GABRA1: variants seen among roughly 807,000 people sequenced by gnomAD.
GABRA1 encodes gamma-aminobutyric acid receptor subunit alpha-1.
A neutral mutation model predicts 48.9 loss-of-function variants in GABRA1; 9 were observed. The ratio of observed to expected loss-of-function variants is 0.18; its 90% CI spans 0.11 to 0.32. The LOEUF is 0.32. GABRA1 is among the 10% of genes least tolerant of loss of function. The pLI, the probability that GABRA1 is intolerant of heterozygous loss-of-function variation, is 1.00. For synonymous variants in GABRA1, 210 were observed against 198.7 expected, an observed-to-expected ratio of 1.06 and a Z score of -0.48; for missense variants, 285 against 553.8, an observed-to-expected ratio of 0.51 and a Z score of 4.87.
chr5:161,897,239 A>G lies in GABRA1; in HGVS notation c.1188A>G (p.Glu396=). 6.2e-7 allele frequency: 1 copy of G among 1,614,160 alleles called. No homozygotes were observed. The highest frequency in any genetic ancestry group is 1.1e-5 in the South Asian group (1 of 91,084). ...LATIAKSATI[E]PKEVKPETKP... is the part of the protein sequence containing the mutation. Reference sequence around the variant, plus strand: ...CCATTGCTAAAAGTGCAACCATAGAACCTAAAGAGGTCAAGCCCGAAACAA... The same window carrying G: ...CCATTGCTAAAAGTGCAACCATAGAGCCTAAAGAGGTCAAGCCCGAAACAA... Residue 396 remains glutamate (E), a synonymous_variant, in exon 10 of 10, where the codon GAA becomes GAG. Coordinates refer to ENST00000393943, the MANE Select transcript of GABRA1 (RefSeq NM_001127644.2).
chr5:161,895,015 AT>A (rs1755295782), intron 8 of GABRA1, among the ~76,000 whole-genome samples: 1 of 150,776 alleles, frequency 6.6e-6, no homozygotes, highest in African/African-American at 2.4e-5. Context: ...AAAATGTATT[AT>A]TATATATATG....
Position 161,897,567 on chromosome 5 carries a change from G to C in GABRA1, c.*145G>C. The stretch of plus-strand genomic sequence containing the variant: ...TTTCATAATTCATTTAAGAACAAGA[G>C]ACCCCTGTCTGGCAGTCTGGAGCAA... On this transcript the variant is annotated 3_prime_UTR_variant, in exon 10 of 10. Coordinates refer to ENST00000393943, the MANE Select transcript of GABRA1 (RefSeq NM_001127644.2). The C allele has an allele frequency of 1.2e-6, 1 of 824,316 alleles. No homozygotes were observed. Among genetic ancestry groups the C allele is most frequent in the Non-Finnish European group, 1.9e-6 (1 of 522,380 alleles). The allele number at this position is 824,316 out of a possible 1,614,324, so 51.1% of individuals were successfully genotyped here.
intron 3 of GABRA1, among the ~76,000 whole-genome samples, chr5:161,864,071 G>A (rs955966953): frequency 6.6e-6 from 1 of 151,964 alleles, no homozygotes; most frequent in Non-Finnish European, 1.5e-5. Context: ...ATATATTAGA[G>A]AGGAAAGTAT....
rs1484870497 is a variant in GABRA1 at position 161,850,829 on chromosome 5, C to G, written c.19C>G (p.Leu7Val). Residue 7 changes from leucine to valine, a missense_variant, in exon 2 of 10, where the codon CTG becomes GTG. Leu to Val is a conservative substitution (Grantham distance 32). This residue lies in a region of GABRA1 where 45 missense variants were observed against 39.9 expected (regional missense o/e 1.13). Transcript: ENST00000393943. ...GCCCGCGATGAGGAAAAGTCCAGGT[C>G]TGTCTGACTGTCTTTGGGCCTGGAT... The part of the protein sequence containing the change: MRKSPG[L>V]SDCLWAWILL... 6.2e-7 allele frequency: 1 copy of G among 1,614,106 alleles called. No homozygotes were observed. The highest frequency in any genetic ancestry group is 2.2e-5 in the East Asian group (1 of 44,880).
chr5:161,875,771 T>C, intron 6 of GABRA1, 129 bp downstream of exon 6: 1 of 738,984 alleles, frequency 1.4e-6, no homozygotes, highest in South Asian at 1.5e-5. Context: ...CACATGGACT[T>C]TCCATAAGTA....
chr5:161,858,071 CA>C (rs911705280), intron 3 of GABRA1, among the ~76,000 whole-genome samples: 3 of 150,956 alleles, frequency 2.0e-5, no homozygotes, highest in Middle Eastern at 3.4e-3. Flanking sequence ...TGAAGAAGAG[CA>C]AAACAGAGGA....
At chr5:161,878,256 G>A (rs1366366166) in intron 6 of GABRA1, among the ~76,000 whole-genome samples, 1 of 152,154 alleles carries the variant, frequency 6.6e-6, no homozygotes, top group African/African-American at 2.4e-5. Flanking sequence ...ACATTGAAGT[G>A]CAGGCTTTGA....
chr5:161,891,250 G>A (rs1755075622), intron 8 of GABRA1, among the ~76,000 whole-genome samples, 200 bp downstream of exon 8: 1 of 152,130 alleles, frequency 6.6e-6, no homozygotes, highest in Non-Finnish European at 1.5e-5. Context: ...TTTAGTATTT[G>A]TGAATAGATG....
Position 161,899,485 on chromosome 5 carries a change from C to T in GABRA1, c.*2063C>T, listed in dbSNP as rs1755520761. On this transcript the variant is annotated 3_prime_UTR_variant, in exon 10 of 10. Coordinates refer to ENST00000393943, the MANE Select transcript of GABRA1 (RefSeq NM_001127644.2). Reference sequence around the variant, plus strand: ...TATTGAGAGCATTTTACCTTCCAGACTTCTCATGGCTAACTTTTGGTCTGT... The same window carrying T: ...TATTGAGAGCATTTTACCTTCCAGATTTCTCATGGCTAACTTTTGGTCTGT... 6.6e-6 allele frequency: 1 copy of T among 152,084 alleles called. No individual in the cohort carries two copies. Among genetic ancestry groups the T allele is most frequent in the African/African-American group, 2.4e-5 (1 of 41,436 alleles). 9.4% of individuals were successfully genotyped at this position (152,084 alleles called of 1,614,324 possible). A position where few individuals can be genotyped will look rare whatever the true frequency, so the allele number is the denominator to read the frequency against.
chr5:161,852,931 C>T (rs10476365), intron 2 of GABRA1, among the ~76,000 whole-genome samples: 150,695 of 152,008 alleles, frequency 0.99, 74,716 homozygotes, highest in East Asian at 1. Context: ...TGAATTCTGG[C>T]TTCAAATGTT....
chr5:161,895,787 A>C lies in GABRA1; in HGVS notation c.978A>C (p.Ser326=). The C allele has an allele frequency of 1.9e-6, 3 of 1,614,030 alleles. No individual in the cohort carries two copies. The South Asian group carries it at 3.3e-5, about 18-fold the overall frequency. Residue 326 remains serine (S), a synonymous_variant, in exon 9 of 10, where the codon TCA becomes TCC. Coordinates refer to ENST00000393943, the MANE Select transcript of GABRA1 (RefSeq NM_001127644.2). ...FIAVCYAFVF[S]ALIEFATVNY... ...CCGTGTGCTATGCCTTTGTGTTCTC[A>C]GCTCTGATTGAGTTTGCCACAGTAA...
rs1755431051 is a variant in GABRA1 at position 161,897,636 on chromosome 5, G to GA, written c.*217dup. 2 of 554,700 alleles carry GA rather than the reference G, an allele frequency of 3.6e-6. No homozygotes were observed. Among genetic ancestry groups the GA allele is most frequent in the Non-Finnish European group, 6.3e-6 (2 of 315,616 alleles). The allele number at this position is 554,700 out of a possible 1,614,324, so 34.4% of individuals were successfully genotyped here. ...GAGACAGGATTCTGACAGAGCAAGC[G>GA]AAAGAGCAAAGTCATGTCAGAAGGA... On this transcript the variant is annotated 3_prime_UTR_variant, in exon 10 of 10. Transcript: ENST00000393943.
At chr5:161,887,917 CTG>C (rs1754919413) in intron 7 of GABRA1, among the ~76,000 whole-genome samples, 1 of 152,044 alleles carries the variant, frequency 6.6e-6, no homozygotes, top group Non-Finnish European at 1.5e-5. Flanking sequence ...AATCGGGAAA[CTG>C]TAGCCAAATG....
intron 3 of GABRA1, 130 bp from the exon 4 acceptor site, chr5:161,865,591 C>T (rs1753798268): frequency 1.3e-6 from 1 of 795,266 alleles, no homozygotes; most frequent in South Asian, 1.4e-5. Context: ...ATCAGGACTA[C>T]ACAGTGGACC....
intron 3 of GABRA1, among the ~76,000 whole-genome samples, chr5:161,864,926 A>G (rs780283051): frequency 1.3e-4 from 20 of 151,992 alleles, no homozygotes; most frequent in Non-Finnish European, 2.8e-4. Context: ...TTATAAAGTC[A>G]TATTTTTCGT....
rs138259457 is a variant in GABRA1 at position 161,897,374 on chromosome 5, G to A, written c.1323G>A (p.Thr441=). 7.3e-4 allele frequency: 1,175 copies of A among 1,614,104 alleles called. 7 individuals are homozygous for A. The African/African-American group carries it at 0.014, about 20-fold the overall frequency. ...TCTTTAACTTAGTCTACTGGGCTAC[G>A]TATTTAAACAGAGAGCCTCAGCTAA... is the stretch of plus-strand genomic sequence containing the variant. ...FGIFNLVYWA[T]YLNREPQLKA... is the part of the protein sequence containing the mutation. The change falls in exon 10 of 10, where the codon ACG becomes ACA. Residue 441 remains threonine (T), a synonymous_variant. Transcript: ENST00000393943.
intron 3 of GABRA1, among the ~76,000 whole-genome samples, chr5:161,855,790 T>C (rs751356798): frequency 1.3e-5 from 2 of 151,390 alleles, no homozygotes; most frequent in Non-Finnish European, 3.0e-5. Flanking sequence ...ATCTGATTAC[T>C]TTACCTAATC....
intron 8 of GABRA1, among the ~76,000 whole-genome samples, chr5:161,894,347 C>G (rs949834764): frequency 2.6e-5 from 4 of 152,072 alleles, no homozygotes; most frequent in Non-Finnish European, 4.4e-5. Context: ...AATATTTGCT[C>G]AAGTTAATAC....
intron 4 of GABRA1, among the ~76,000 whole-genome samples, chr5:161,871,091 A>T (rs1754100524): frequency 6.6e-6 from 1 of 152,058 alleles, no homozygotes; most frequent in Admixed American, 6.6e-5. Flanking sequence ...AAACACAATA[A>T]ACATGTGAAC....
Sources: gnomAD v4.1 joint callset for allele counts (sites outside exome capture counted in the v4.1 genomes callset) on GRCh38, gnomAD v4.1.1 for gene constraint, gnomAD v4.1.1 regional missense constraint, MANE v1.5 for transcripts, NCBI Gene and HGNC (gene_info 2026-07-23, HGNC 2026-07-21) for gene names.